The following AFAP1L2 variants were observed in gnomAD, a reference collection of about 807,000 sequenced individuals.
The protein encoded by AFAP1L2 is actin filament associated protein 1 like 2.
In AFAP1L2, 46 loss-of-function variants were observed where a neutral mutation model predicts 99.3. That is an observed-to-expected ratio of 0.46 (90% confidence interval 0.37 to 0.59). The LOEUF is 0.59. Ranked by LOEUF, AFAP1L2 falls within the 20% of genes least tolerant of loss-of-function variation. AFAP1L2 has a pLI of 0.00. For missense variants in AFAP1L2, 959 were observed against 1,034.9 expected (o/e 0.93, Z 1.01); for synonymous variants, 397 against 419.1 (o/e 0.95, Z 0.64).
intron 8 of AFAP1L2, among the ~76,000 whole-genome samples, chr10:114,309,550 C>A (rs1052100606): frequency 2.0e-5 from 3 of 152,236 alleles, no homozygotes; most frequent in African/African-American, 7.2e-5. Context: ...GGAAATGTGA[C>A]CCCACAGGTG....
intron 1 of AFAP1L2, among the ~76,000 whole-genome samples, chr10:114,354,988 A>G (rs1033190758): frequency 2.6e-5 from 4 of 152,110 alleles, no homozygotes; most frequent in African/African-American, 7.2e-5. Flanking sequence ...GCATACCCCA[A>G]TTTTTCAAGG....
intron 1 of AFAP1L2, among the ~76,000 whole-genome samples, chr10:114,380,126 T>C (rs977039526): frequency 3.9e-5 from 6 of 152,196 alleles, no homozygotes; most frequent in African/African-American, 1.2e-4. Flanking sequence ...GTGATGACCA[T>C]ATTTATGTCC....
chr10:114,370,226 TA>T (rs1247527595), intron 1 of AFAP1L2, among the ~76,000 whole-genome samples: 2 of 152,240 alleles, frequency 1.3e-5, no homozygotes, highest in Admixed American at 6.5e-5. Flanking sequence ...AGCTCATAAT[TA>T]AAGTATCCTA....
chr10:114,294,871 A>G lies in AFAP1L2; in HGVS notation c.*1171T>C, dbSNP rs988149178. ...TTTTAAAAAACCTAACTAACTCACCACTTGGTAAAAGGTCACCAAATGTTT... is the reference window on the plus strand; with the variant it reads ...TTTTAAAAAACCTAACTAACTCACCGCTTGGTAAAAGGTCACCAAATGTTT... On this transcript the variant is annotated 3_prime_UTR_variant, in exon 19 of 19. Transcript: ENST00000304129. 2.0e-6 allele frequency: 2 copies of G among 982,766 alleles called. No homozygotes were observed. Among genetic ancestry groups the G allele is most frequent in the East Asian group, 1.1e-4 (1 of 8,786 alleles). 60.9% of individuals were successfully genotyped at this position (982,766 alleles called of 1,614,324 possible). A position where few individuals can be genotyped will look rare whatever the true frequency, so the allele number is the denominator to read the frequency against.
intron 1 of AFAP1L2, among the ~76,000 whole-genome samples, chr10:114,355,929 C>T (rs139380410): frequency 2.4e-4 from 36 of 152,208 alleles, no homozygotes; most frequent in African/African-American, 7.0e-4. Context: ...GCAGTAATTG[C>T]GCCACTGCAC....
At chr10:114,289,382 G>T in the AFAP1L2 span, 2 of 1,613,264 alleles carry the variant, frequency 1.2e-6, no homozygotes, top group Admixed American at 3.3e-5. Context: ...CCTGTCCTAA[G>T]TGAGGGTCTG....
intron 2 of AFAP1L2, among the ~76,000 whole-genome samples, chr10:114,337,487 C>T (rs894621127): frequency 5.9e-5 from 9 of 152,134 alleles, no homozygotes; most frequent in Non-Finnish European, 1.3e-4. Context: ...GAATGCAGGC[C>T]CCAGGCCTCA....
chr10:114,293,257 G>T (rs2039766090), downstream of AFAP1L2, among the ~76,000 whole-genome samples: 1 of 152,194 alleles, frequency 6.6e-6, no homozygotes, highest in African/African-American at 2.4e-5. Flanking sequence ...AGGATCACAT[G>T]CTCCCTAGCA....
the AFAP1L2 span, among the ~76,000 whole-genome samples, chr10:114,282,322 C>A: frequency 2.6e-5 from 4 of 152,174 alleles, no homozygotes; most frequent in African/African-American, 7.2e-5. Flanking sequence ...TTAATTGTCA[C>A]TGGATAGTTT....
Position 114,331,768 on chromosome 10 carries a change from G to A in AFAP1L2, c.315+35C>T, listed in dbSNP as rs543901688. On this transcript the variant is annotated intron_variant, in intron 4 of 18. Transcript: ENST00000304129. ...ACAACTGGAAGTTCAAGGGGCTCAC[G>A]TCAGGGAAATCAGGGGTCCTGAACT... 1.8e-5 allele frequency: 23 copies of A among 1,311,116 alleles called. No homozygotes were observed. In the East Asian group the frequency reaches 2.8e-4, roughly 16 times the overall value. The allele number at this position is 1,311,116 out of a possible 1,614,324, so 81.2% of individuals were successfully genotyped here.
At position 114,375,070 on chromosome 10, in the gene AFAP1L2, G is replaced by A. The variant is rs574848868; in HGVS notation, c.16+29370C>T. 7.9e-5 allele frequency among the ~76,000 whole-genome samples: 12 copies of A among 152,108 alleles called. No homozygotes were observed. The South Asian group carries it at 1.2e-3, about 16-fold the overall frequency. ...TGAACTATATACCTAAATCAGACTC[G>A]ACACCTGTTTTTATATGGCCCTCAA... On this transcript the variant is annotated intron_variant, in intron 1 of 18. Coordinates refer to ENST00000304129, the MANE Select transcript of AFAP1L2 (RefSeq NM_001001936.3).
intron 5 of AFAP1L2, chr10:114,319,586 C>T: frequency 7.8e-7 from 1 of 1,289,718 alleles, no homozygotes; most frequent in South Asian, 1.2e-5. Flanking sequence ...GCATAAATGA[C>T]TCCTTCGGGC....
chr10:114,293,266 C>CA (rs2039767683), downstream of AFAP1L2, among the ~76,000 whole-genome samples: 1 of 152,210 alleles, frequency 6.6e-6, no homozygotes, highest in Non-Finnish European at 1.5e-5. Context: ...TGCTCCCTAG[C>CA]AGATGCTGAT....
In AFAP1L2 at chr10:114,367,582, G is replaced by A. The variant is rs144481695; in HGVS notation, c.17-26851C>T. Among the ~76,000 whole-genome samples, 35 of 152,348 alleles carry A rather than the reference G, an allele frequency of 2.3e-4. No homozygotes were observed. The South Asian group carries it at 6.4e-3, about 28-fold the overall frequency. ...ACCAATAATGAGTCCAGTCCTCAAA[G>A]CAGCTGATAACAGGGGACTGAGGCC... On this transcript the variant is annotated intron_variant, in intron 1 of 18. Transcript: ENST00000304129.
chr10:114,307,391 T>C (rs1388686267), intron 10 of AFAP1L2, among the ~76,000 whole-genome samples: 1 of 152,054 alleles, frequency 6.6e-6, no homozygotes, highest in Non-Finnish European at 1.5e-5. Context: ...GCTACGAAGA[T>C]GGCACAGTGC....
At chr10:114,334,387 A>T (rs1374873515) in intron 2 of AFAP1L2, among the ~76,000 whole-genome samples, 5 of 152,218 alleles carry the variant, frequency 3.3e-5, no homozygotes, top group African/African-American at 7.2e-5. Flanking sequence ...ATTTCCTAGA[A>T]ACTTGTGGCT....
rs910645989 is a variant in AFAP1L2 at position 114,294,979 on chromosome 10, G to A, written c.*1063C>T. The A allele has an allele frequency of 6.1e-6, 6 of 978,102 alleles. No individual in the cohort carries two copies. The highest frequency in any genetic ancestry group is 6.0e-6 in the Non-Finnish European group (5 of 826,498). 60.6% of individuals were successfully genotyped at this position (978,102 alleles called of 1,614,324 possible). A position where few individuals can be genotyped will look rare whatever the true frequency, so the allele number is the denominator to read the frequency against. ...AACTGATACACAACCCTCCAGAAATGAGGCAGAGATAATAGATGAAATGTT... is the reference window on the plus strand; with the variant it reads ...AACTGATACACAACCCTCCAGAAATAAGGCAGAGATAATAGATGAAATGTT... On this transcript the variant is annotated 3_prime_UTR_variant, in exon 19 of 19. Coordinates refer to ENST00000304129, the MANE Select transcript of AFAP1L2 (RefSeq NM_001001936.3).
chr10:114,347,304 T>C (rs1352824197), intron 1 of AFAP1L2, among the ~76,000 whole-genome samples: 1 of 152,118 alleles, frequency 6.6e-6, no homozygotes, highest in African/African-American at 2.4e-5. Context: ...TCTCAAGTTC[T>C]CAAGATGAGC....
At chr10:114,386,662 C>T (rs895462213) in intron 1 of AFAP1L2, among the ~76,000 whole-genome samples, 7 of 152,322 alleles carry the variant, frequency 4.6e-5, no homozygotes, top group South Asian at 4.1e-4. Flanking sequence ...TGCTCCACAG[C>T]AGCTGCCAGG....
Sources: gnomAD v4.1 joint callset for allele counts (sites outside exome capture counted in the v4.1 genomes callset) on GRCh38, gnomAD v4.1.1 for gene constraint, MANE v1.5 for transcripts, NCBI Gene and HGNC (gene_info 2026-07-23, HGNC 2026-07-21) for gene names.